The following ARHGEF38 variants were observed in gnomAD, a reference collection of about 807,000 sequenced individuals.
ARHGEF38 encodes Rho guanine nucleotide exchange factor (GEF) 38.
ARHGEF38 carries 79 observed loss-of-function variants against 79.9 expected under a neutral mutation model. The ratio of observed to expected loss-of-function variants is 0.99; its 90% CI spans 0.82 to 1.19. The LOEUF is 1.19. Ranked by LOEUF, ARHGEF38 falls within the 50% of genes most tolerant of loss-of-function variation. ARHGEF38 has a pLI of 0.00. For missense variants in ARHGEF38, 962 were observed against 907.2 expected, an observed-to-expected ratio of 1.06 and a Z score of -0.78; for synonymous variants, 366 against 328.3, an observed-to-expected ratio of 1.11 and a Z score of -1.24.
chr4:105,566,107 TTTATTAAAAAATTCCTCA>T (rs1157773710), intron 1 of ARHGEF38, among the ~76,000 whole-genome samples: 1 of 152,206 alleles, frequency 6.6e-6, no homozygotes, highest in Non-Finnish European at 1.5e-5. Context: ...ATGTCCCTCA[TTTATTAAAAAATTCCTCA>T]TTGTCGAGAT....
At chr4:105,629,811 T>C (rs1729107107) in intron 3 of ARHGEF38, among the ~76,000 whole-genome samples, 1 of 152,160 alleles carries the variant, frequency 6.6e-6, no homozygotes, top group African/African-American at 2.4e-5. Flanking sequence ...CTGGATACAA[T>C]TAGTCTAAGT....
At chr4:105,649,669 G>A (rs1408174408) in intron 7 of ARHGEF38, among the ~76,000 whole-genome samples, 1 of 152,090 alleles carries the variant, frequency 6.6e-6, no homozygotes, top group Non-Finnish European at 1.5e-5. Flanking sequence ...GCAGCTGTAT[G>A]GTGGTTCATG....
intron 10 of ARHGEF38, among the ~76,000 whole-genome samples, chr4:105,659,849 T>TTGTGTGTGTGTG (rs59465723): frequency 1.7e-3 from 225 of 133,226 alleles, no homozygotes; most frequent in African/African-American, 6.4e-3. Context: ...AAGCCTGGTT[T>TTGTGTGTGTGTG]TGTGTGTGTG....
At chr4:105,572,458 A>G (rs986581938) in intron 1 of ARHGEF38, among the ~76,000 whole-genome samples, 1 of 152,110 alleles carries the variant, frequency 6.6e-6, no homozygotes, top group African/African-American at 2.4e-5. Context: ...TACATTCATA[A>G]TGTTCTGTAA....
intron 1 of ARHGEF38, among the ~76,000 whole-genome samples, chr4:105,578,594 C>T (rs1726622976): frequency 2.0e-5 from 3 of 152,116 alleles, no homozygotes; most frequent in Admixed American, 1.3e-4. Context: ...TGGGAGCTCC[C>T]GTGTAAGGTA....
intron 7 of ARHGEF38, 110 bp from the exon 8 acceptor site, chr4:105,653,955 A>G (rs373898331): frequency 5.6e-5 from 27 of 482,770 alleles, no homozygotes; most frequent in African/African-American, 4.8e-4. Context: ...AAATGTTTTC[A>G]TATCATCAAA....
chr4:105,586,460 T>C (rs999452908), intron 1 of ARHGEF38, among the ~76,000 whole-genome samples: 3 of 152,276 alleles, frequency 2.0e-5, no homozygotes, highest in South Asian at 4.2e-4. Context: ...CAACAAGTTG[T>C]TGAGCAGTAT....
chr4:105,606,106 T>G (rs1386654032), intron 2 of ARHGEF38, among the ~76,000 whole-genome samples: 2 of 152,082 alleles, frequency 1.3e-5, no homozygotes, highest in African/African-American at 4.8e-5. Context: ...GCACCAAGGT[T>G]CTATTAGACC....
At chr4:105,617,366 G>C (rs1728551050) in intron 3 of ARHGEF38, among the ~76,000 whole-genome samples, 2 of 152,124 alleles carry the variant, frequency 1.3e-5, no homozygotes, top group Admixed American at 1.3e-4. Context: ...TGATGAAGTT[G>C]TGGAATTTAT....
chr4:105,582,184 T>C (rs1218884356), intron 1 of ARHGEF38, among the ~76,000 whole-genome samples: 3 of 96,306 alleles, frequency 3.1e-5, no homozygotes, highest in East Asian at 6.6e-4. Context: ...AAAAAAAATC[T>C]CGTATTCCTT....
At chr4:105,604,718 A>G (rs1307981472) in intron 2 of ARHGEF38, among the ~76,000 whole-genome samples, 10 of 152,116 alleles carry the variant, frequency 6.6e-5, no homozygotes. Flanking sequence ...CAGTTTGAGT[A>G]TGTACAGGAA....
chr4:105,658,956 G>A, intron 9 of ARHGEF38, 98 bp from the exon 10 acceptor site: 5 of 1,059,148 alleles, frequency 4.7e-6, no homozygotes, highest in Non-Finnish European at 6.6e-6. Context: ...TTTCTTTTGT[G>A]CTTCTCGTGG....
intron 2 of ARHGEF38, among the ~76,000 whole-genome samples, chr4:105,590,108 AAGGAAGGAAGGAAGGAAG>A (rs1297017339): frequency 0.011 from 1,609 of 145,362 alleles, 33 homozygotes; most frequent in African/African-American, 0.041. Context: ...GGAAGGAAGG[AAGGAAGGAAGGAAGGAAG>A]GAAAGAAAGA....
rs191275141 is a variant in ARHGEF38 at position 105,605,967 on chromosome 4, T to A, written c.385-7417T>A. Among the ~76,000 whole-genome samples the A allele has an allele frequency of 2.3e-3, 345 of 152,240 alleles. 1 individual carries two copies. Among genetic ancestry groups the A allele is most frequent in the African/African-American group, 5.6e-3 (231 of 41,572 alleles). On this transcript the variant is annotated intron_variant, in intron 2 of 13. Transcript: ENST00000420470. ...ATGGCAGCTTTCTTCCACTTCCACC[T>A]TACTGCAGTCTCAATATCATTGGGT...
intron 3 of ARHGEF38, among the ~76,000 whole-genome samples, chr4:105,621,873 AC>A (rs1728748243): frequency 6.6e-6 from 1 of 152,184 alleles, no homozygotes; most frequent in South Asian, 2.1e-4. Context: ...TTTGGGGGAC[AC>A]CCAGATGCAA....
intron 3 of ARHGEF38, among the ~76,000 whole-genome samples, chr4:105,617,018 T>G (rs1728537926): frequency 6.6e-6 from 1 of 152,206 alleles, no homozygotes; most frequent in African/African-American, 2.4e-5. Flanking sequence ...ACTAATGAGT[T>G]GACACCGTTA....
intron 7 of ARHGEF38, among the ~76,000 whole-genome samples, chr4:105,652,578 G>A (rs141931280): frequency 1.7e-3 from 257 of 152,296 alleles, no homozygotes; most frequent in Non-Finnish European, 3.1e-3. Flanking sequence ...AAAACAGCAT[G>A]GAAAAGTCTT....
In ARHGEF38 at chr4:105,680,178, T is replaced by G; in HGVS notation, c.*2241T>G. 1 of 561,002 alleles carries G rather than the reference T, an allele frequency of 1.8e-6. No homozygotes were observed. Among genetic ancestry groups the G allele is most frequent in the Non-Finnish European group, 3.3e-6 (1 of 301,962 alleles). 34.8% of individuals were successfully genotyped at this position (561,002 alleles called of 1,614,324 possible). ...AATTTAAAACCAGGTCTTCTGACTTTAAGGCCTTTCTTTTAGTGTTTTCCC... is the reference window on the plus strand; with the variant it reads ...AATTTAAAACCAGGTCTTCTGACTTGAAGGCCTTTCTTTTAGTGTTTTCCC... On this transcript the variant is annotated 3_prime_UTR_variant, in exon 14 of 14. Coordinates refer to ENST00000420470, the MANE Select transcript of ARHGEF38 (RefSeq NM_001242729.2).
At chr4:105,596,393 G>A (rs185600180) in intron 2 of ARHGEF38, among the ~76,000 whole-genome samples, 121 of 152,234 alleles carry the variant, frequency 7.9e-4, no homozygotes, top group African/African-American at 2.6e-3. Flanking sequence ...TTGCTGTAGC[G>A]TCAGCCATCA....
Sources: allele counts gnomAD v4.1 joint callset (sites outside exome capture counted in the v4.1 genomes callset), GRCh38; gene constraint gnomAD v4.1.1; transcripts MANE v1.5; gene names NCBI Gene and HGNC (gene_info 2026-07-23, HGNC 2026-07-21).